ZFPM2: variants seen among roughly 807,000 people sequenced by gnomAD.
ZFPM2 encodes the protein zinc finger protein, FOG family member 2, also known as zinc finger protein ZFPM2.
A neutral mutation model predicts 98.6 loss-of-function variants in ZFPM2; 20 were observed. The observed-to-expected ratio is 0.20, with a 90% CI of 0.14 to 0.29. The LOEUF (loss-of-function observed/expected upper bound fraction) is 0.29, where lower values mean the gene tolerates loss of function less well. ZFPM2 is among the 10% of genes least tolerant of loss of function. ZFPM2 has a pLI of 1.00. For synonymous variants in ZFPM2, 518 were observed against 502.7 expected (o/e 1.03, Z -0.41); for missense variants, 1,310 against 1,388.6 (o/e 0.94, Z 0.90).
chr8:105,368,482 A>G (rs1810553074), intron 1 of ZFPM2, among the ~76,000 whole-genome samples: 1 of 152,206 alleles, frequency 6.6e-6, no homozygotes, highest in Admixed American at 6.5e-5. Context: ...TAGGCATTCA[A>G]AAGTTAAATT....
At chr8:105,759,264 C>T (rs564942123) in intron 5 of ZFPM2, among the ~76,000 whole-genome samples, 10 of 151,966 alleles carry the variant, frequency 6.6e-5, no homozygotes, top group Admixed American at 6.6e-4. Context: ...AAAATGGGGC[C>T]CAGGGAAATT....
At chr8:105,720,135 T>C (rs1460146916) in intron 5 of ZFPM2, among the ~76,000 whole-genome samples, 1 of 151,854 alleles carries the variant, frequency 6.6e-6, no homozygotes, top group Non-Finnish European at 1.5e-5. Context: ...AGTCACTGAT[T>C]GCGAATTTTA....
At chr8:105,550,808 A>G (rs1414306580) in intron 3 of ZFPM2, among the ~76,000 whole-genome samples, 2 of 152,160 alleles carry the variant, frequency 1.3e-5, no homozygotes, top group Non-Finnish European at 2.9e-5. Flanking sequence ...ACTTCAATAA[A>G]TACACCACAC....
chr8:105,760,712 T>A (rs1459449191), intron 5 of ZFPM2, among the ~76,000 whole-genome samples: 7 of 152,060 alleles, frequency 4.6e-5, no homozygotes, highest in African/African-American at 1.7e-4. Flanking sequence ...GAAAAAGGAA[T>A]AAGCCCAGTT....
chr8:105,569,848 G>A (rs1815318105), intron 4 of ZFPM2, among the ~76,000 whole-genome samples: 2 of 152,112 alleles, frequency 1.3e-5, no homozygotes, highest in African/African-American at 2.4e-5. Flanking sequence ...TGGAAACTGA[G>A]GTGGCAGTCG....
At chr8:105,511,696 T>C (rs1382251764) in intron 3 of ZFPM2, among the ~76,000 whole-genome samples, 1 of 152,242 alleles carries the variant, frequency 6.6e-6, no homozygotes, top group Non-Finnish European at 1.5e-5. Flanking sequence ...TACAAGCTAG[T>C]AATTTATTTT....
chr8:105,486,863 T>G (rs1813239429), intron 3 of ZFPM2, among the ~76,000 whole-genome samples: 1 of 152,188 alleles, frequency 6.6e-6, no homozygotes. Context: ...ATATGAGAAG[T>G]CTGATTATTA....
intron 5 of ZFPM2, among the ~76,000 whole-genome samples, chr8:105,737,036 C>G (rs1288667245): frequency 6.6e-6 from 1 of 151,944 alleles, no homozygotes; most frequent in Non-Finnish European, 1.5e-5. Flanking sequence ...CACGTGCACA[C>G]ATGATTTTGC....
At chr8:105,487,917 TCTATCTATCTATCTAG>T (rs1351187723) in intron 3 of ZFPM2, among the ~76,000 whole-genome samples, 3 of 95,476 alleles carry the variant, frequency 3.1e-5, no homozygotes, top group Non-Finnish European at 7.2e-5. Context: ...TATCTATCTA[TCTATCTATCTATCTAG>T]CTAGCTAGCT....
intron 5 of ZFPM2, among the ~76,000 whole-genome samples, chr8:105,723,099 G>A (rs1437233866): frequency 1.3e-5 from 2 of 151,778 alleles, no homozygotes; most frequent in African/African-American, 2.4e-5. Flanking sequence ...CTGGTGTGGT[G>A]TCTATTCGTT....
At chr8:105,664,332 T>C (rs899260480) in intron 5 of ZFPM2, among the ~76,000 whole-genome samples, 2 of 150,286 alleles carry the variant, frequency 1.3e-5, no homozygotes, top group African/African-American at 5.0e-5. Flanking sequence ...TGTGTGTGTG[T>C]GTGTGTGTGT....
chr8:105,358,326 T>A (rs1812788553), intron 1 of ZFPM2, among the ~76,000 whole-genome samples: 1 of 151,810 alleles, frequency 6.6e-6, no homozygotes, highest in African/African-American at 2.4e-5. Flanking sequence ...TGATCTCAGC[T>A]CACCATGCCT....
chr8:105,421,840 G>A (rs1811798439), intron 2 of ZFPM2, among the ~76,000 whole-genome samples: 1 of 151,710 alleles, frequency 6.6e-6, no homozygotes, highest in African/African-American at 2.4e-5. Context: ...ATCACCTGAG[G>A]TCAGGAGACC....
chr8:105,714,266 T>A (rs1036135034), intron 5 of ZFPM2, among the ~76,000 whole-genome samples: 15 of 152,036 alleles, frequency 9.9e-5, no homozygotes, highest in African/African-American at 3.1e-4. Flanking sequence ...GCTCTCAGCT[T>A]GAACCTCATT....
At chr8:105,581,879 A>T (rs1193028210) in intron 4 of ZFPM2, among the ~76,000 whole-genome samples, 1 of 152,178 alleles carries the variant, frequency 6.6e-6, no homozygotes, top group Non-Finnish European at 1.5e-5. Flanking sequence ...TACTATCCCC[A>T]TTCTGTGATA....
chr8:105,716,973 A>G (rs1470740209), intron 5 of ZFPM2, among the ~76,000 whole-genome samples: 1 of 152,078 alleles, frequency 6.6e-6, no homozygotes, highest in African/African-American at 2.4e-5. Flanking sequence ...CATTCCCTTC[A>G]TCTTACTGGC....
intron 5 of ZFPM2, among the ~76,000 whole-genome samples, chr8:105,754,987 CGTGCGCAT>C (rs1385026761): frequency 1.7e-4 from 25 of 146,962 alleles, no homozygotes; most frequent in Admixed American, 7.4e-4. Context: ...TGTGTGTGCA[CGTGCGCAT>C]GTGCGCATGC....
chr8:105,788,025 T>G (rs1450717175), intron 5 of ZFPM2, among the ~76,000 whole-genome samples: 1 of 152,212 alleles, frequency 6.6e-6, no homozygotes, highest in African/African-American at 2.4e-5. Context: ...TTTATTTAAA[T>G]GAGCCTTTTT....
intron 5 of ZFPM2, among the ~76,000 whole-genome samples, chr8:105,746,370 T>G (rs1812345036): frequency 1.3e-5 from 2 of 152,102 alleles, no homozygotes; most frequent in Non-Finnish European, 2.9e-5. Context: ...CAATGATAAC[T>G]GCTATTATTT....
Sources: allele counts gnomAD v4.1 joint callset (sites outside exome capture counted in the v4.1 genomes callset), GRCh38; gene constraint gnomAD v4.1.1; transcripts MANE v1.5; gene names NCBI Gene and HGNC (gene_info 2026-07-23, HGNC 2026-07-21).